ADAM9: variants seen among roughly 807,000 people sequenced by gnomAD.
ADAM9 encodes disintegrin and metalloproteinase domain-containing protein 9.
In ADAM9, 54 loss-of-function variants were observed where a neutral mutation model predicts 108.1. That is an observed-to-expected ratio of 0.50 (90% CI 0.40 to 0.63). ADAM9 has a LOEUF of 0.63. Among genes scored for constraint, ADAM9 ranks in the 20% least tolerant of loss-of-function variants. The probability of loss-of-function intolerance (pLI) is 0.00; values close to 1 mark genes in which losing one functional copy is unlikely to be tolerated. For synonymous variants in ADAM9, 316 were observed against 336.0 expected (o/e 0.94, Z 0.65); for missense variants, 830 against 997.7 (o/e 0.83, Z 2.26).
intron 17 of ADAM9, 33 bp from the exon 18 acceptor site, chr8:39,082,935 A>AT (rs1361736528): frequency 6.3e-7 from 1 of 1,576,296 alleles, no homozygotes; most frequent in Admixed American, 1.7e-5. Context: ...AACATTCACA[A>AT]TTAACAAAAG....
intron 15 of ADAM9, among the ~76,000 whole-genome samples, chr8:39,071,815 C>T (rs150917810): frequency 5.9e-5 from 9 of 152,188 alleles, no homozygotes; most frequent in African/African-American, 2.2e-4. Context: ...TTTTCTCCCC[C>T]TTAAATACCT....
chr8:39,071,632 A>C (rs909026828), intron 15 of ADAM9, among the ~76,000 whole-genome samples: 1 of 151,968 alleles, frequency 6.6e-6, no homozygotes, highest in African/African-American at 2.4e-5. Flanking sequence ...ACGCCCAGCT[A>C]ATTTTTTGTA....
intron 1 of ADAM9, 137 bp from the exon 2 acceptor site, chr8:39,007,749 T>A (rs979396108): frequency 7.6e-6 from 5 of 656,726 alleles, no homozygotes; most frequent in Non-Finnish European, 1.3e-5. Context: ...ATATGAGTAC[T>A]TTTATTATAT....
At chr8:39,044,880 A>T (rs112211653) in intron 12 of ADAM9, among the ~76,000 whole-genome samples, 1 of 137,692 alleles carries the variant, frequency 7.3e-6, no homozygotes, top group African/African-American at 3.4e-5. Context: ...ACATACATAT[A>T]TATGTATATA....
chr8:38,997,384 C>T lies in ADAM9; in HGVS notation c.97+224C>T, dbSNP rs1835851640. On this transcript the variant is annotated intron_variant, in intron 1 of 21. Transcript: ENST00000487273. Reference sequence around the variant, plus strand: ...CCGGGTCCTCTGCCCGGCACCGCTTCCTCCGTGTCCTGTTCGATGGAGCCG... The same window carrying T: ...CCGGGTCCTCTGCCCGGCACCGCTTTCTCCGTGTCCTGTTCGATGGAGCCG... Among the ~76,000 whole-genome samples the T allele has an allele frequency of 1.3e-5, 2 of 152,154 alleles. 1 individual carries two copies. Among genetic ancestry groups the T allele is most frequent in the African/African-American group, 4.8e-5 (2 of 41,448 alleles).
At chr8:39,061,217 G>T (rs1314530144) in intron 14 of ADAM9, among the ~76,000 whole-genome samples, 1 of 152,194 alleles carries the variant, frequency 6.6e-6, no homozygotes, top group Non-Finnish European at 1.5e-5. Flanking sequence ...AGTTCTAGTG[G>T]GTTCCACCTG....
intron 12 of ADAM9, among the ~76,000 whole-genome samples, chr8:39,050,830 G>GTTTTTTTTTTTT (rs58115667): frequency 4.7e-5 from 4 of 85,186 alleles, no homozygotes; most frequent in African/African-American, 9.7e-5. Context: ...GCTTGGAAGT[G>GTTTTTTTTTTTT]TTTTTTTTTT....
chr8:39,023,842 G>C (rs1196074885), intron 9 of ADAM9, among the ~76,000 whole-genome samples: 1 of 148,558 alleles, frequency 6.7e-6, no homozygotes, highest in Non-Finnish European at 1.5e-5. Context: ...TGCCTCCCAG[G>C]TCGAAGCAAT....
chr8:39,086,093 C>G (rs1256942997), intron 18 of ADAM9, among the ~76,000 whole-genome samples: 1 of 152,040 alleles, frequency 6.6e-6, no homozygotes, highest in Admixed American at 6.6e-5. Flanking sequence ...TGGCTCATGG[C>G]AATCTCTGCC....
intron 7 of ADAM9, among the ~76,000 whole-genome samples, chr8:39,020,697 TG>T (rs1401038547): frequency 7.9e-5 from 12 of 152,212 alleles, no homozygotes; most frequent in Non-Finnish European, 1.8e-4. Flanking sequence ...CATTTAGAAA[TG>T]GTTTATTGGT....
At chr8:39,098,883 C>G (rs1383588377) in intron 20 of ADAM9, among the ~76,000 whole-genome samples, 1 of 151,766 alleles carries the variant, frequency 6.6e-6, no homozygotes, top group Non-Finnish European at 1.5e-5. Context: ...GGGTTCCTAC[C>G]GAGAGTATTT....
intron 3 of ADAM9, 102 bp from the exon 4 acceptor site, chr8:39,013,863 A>G (rs2129432754): frequency 1.1e-6 from 1 of 919,898 alleles, no homozygotes; most frequent in East Asian, 2.4e-5. Flanking sequence ...GAAAGTTCTT[A>G]TTTACTCCTG....
chr8:39,007,091 C>G (rs143144127), intron 1 of ADAM9, among the ~76,000 whole-genome samples: 1 of 152,304 alleles, frequency 6.6e-6, no homozygotes, highest in African/African-American at 2.4e-5. Flanking sequence ...ATGGCACAGG[C>G]ATCTGCTTCT....
chr8:39,099,600 G>A (rs1358863117), intron 20 of ADAM9, among the ~76,000 whole-genome samples: 2 of 152,070 alleles, frequency 1.3e-5, no homozygotes, highest in East Asian at 1.9e-4. Context: ...AAGCATCCTT[G>A]TAAATAGATC....
intron 13 of ADAM9, among the ~76,000 whole-genome samples, chr8:39,055,315 A>T (rs1838084935): frequency 6.6e-6 from 1 of 152,210 alleles, no homozygotes. Context: ...CTCCTAGTTA[A>T]TTCAATAGGT....
chr8:39,097,113 C>G (rs1178620967), intron 20 of ADAM9, among the ~76,000 whole-genome samples: 1 of 152,124 alleles, frequency 6.6e-6, no homozygotes, highest in Non-Finnish European at 1.5e-5. Flanking sequence ...AGCTGCCTTT[C>G]TCAGATTTTG....
chr8:39,014,346 A>AT, intron 4 of ADAM9: 4 of 539,958 alleles, frequency 7.4e-6, no homozygotes, highest in Admixed American at 3.5e-5. Flanking sequence ...GGAGTTTCTG[A>AT]TTTTTTTGTT....
At chr8:39,095,644 T>G (rs1207356474) in intron 20 of ADAM9, among the ~76,000 whole-genome samples, 3 of 152,206 alleles carry the variant, frequency 2.0e-5, no homozygotes, top group Non-Finnish European at 4.4e-5. Context: ...CTGTTTTGTT[T>G]AAAGTCTAGT....
chr8:39,045,354 A>ACC (rs1491365446), intron 12 of ADAM9, among the ~76,000 whole-genome samples: 2 of 127,318 alleles, frequency 1.6e-5, no homozygotes, highest in African/African-American at 6.0e-5. Flanking sequence ...ATGTGTGTAC[A>ACC]TACATATAGG....
Sources: gnomAD v4.1 joint callset for allele counts (sites outside exome capture counted in the v4.1 genomes callset) on GRCh38, gnomAD v4.1.1 for gene constraint, MANE v1.5 for transcripts, NCBI Gene and HGNC (gene_info 2026-07-23, HGNC 2026-07-21) for gene names.